The following UPF3B variants were observed in gnomAD, a reference collection of about 807,000 sequenced individuals.
UPF3B encodes regulator of nonsense transcripts 3B.
Under a neutral mutation model 40.3 loss-of-function variants are expected in UPF3B, and 7 were observed. The ratio of observed to expected loss-of-function variants is 0.17; its 90% CI spans 0.10 to 0.33. The LOEUF (loss-of-function observed/expected upper bound fraction) is 0.33, where lower values mean the gene tolerates loss of function less well. Ranked by LOEUF, UPF3B falls within the 10% of genes least tolerant of loss-of-function variation. The pLI is 1.00. For missense variants in UPF3B, 229 were observed against 358.9 expected (o/e 0.64, Z 2.93); for synonymous variants, 117 against 117.3 (o/e 1.00, Z 0.01).
At chrX:119,813,285 T>G (rs2055838896) in intron 5 of UPF3B, among the ~76,000 whole-genome samples, 2 of 110,918 alleles carry the variant, frequency 1.8e-5, no homozygotes, top group Admixed American at 9.7e-5. Flanking sequence ...TGTAGGTGGG[T>G]CCTGGTGGGG....
chrX:119,812,434 C>T (rs960306535), intron 5 of UPF3B, among the ~76,000 whole-genome samples: 13 of 111,444 alleles, frequency 1.2e-4, no homozygotes, highest in African/African-American at 4.2e-4. Context: ...CCATTCTCAA[C>T]CCAATCTGGC....
chrX:119,821,340 A>C (rs916901793), intron 4 of UPF3B, among the ~76,000 whole-genome samples: 1 of 112,712 alleles, frequency 8.9e-6, no homozygotes, highest in African/African-American at 3.2e-5. Context: ...TCAGGCATTT[A>C]TTTATAGCAA....
chrX:119,838,882 C>T (rs1462233308), intron 8 of UPF3B, among the ~76,000 whole-genome samples: 2 of 111,203 alleles, frequency 1.8e-5, no homozygotes, highest in Admixed American at 9.6e-5. Context: ...CTTAAGTGGT[C>T]CTCCTGCCTC....
At chrX:119,811,711 C>T (rs965419091) in intron 5 of UPF3B, among the ~76,000 whole-genome samples, 14 of 109,156 alleles carry the variant, frequency 1.3e-4, no homozygotes, top group Admixed American at 2.0e-4. Context: ...CAGCACTTTG[C>T]GAGGCTAAGG....
At chrX:119,843,577 A>G in intron 4 of UPF3B, among the ~76,000 whole-genome samples, 1 of 111,989 alleles carries the variant, frequency 8.9e-6, no homozygotes, top group African/African-American at 3.2e-5. Context: ...GGGGTATTAC[A>G]TAGTTTGCTT....
chrX:119,814,399 T>C (rs1187693043), intron 5 of UPF3B, among the ~76,000 whole-genome samples: 2 of 112,617 alleles, frequency 1.8e-5, no homozygotes, highest in African/African-American at 6.4e-5. Flanking sequence ...AACTTGAGGA[T>C]ATTGGATACG....
At chrX:119,813,564 CTTT>C (rs572653123) in intron 5 of UPF3B, among the ~76,000 whole-genome samples, 6 of 99,246 alleles carry the variant, frequency 6.0e-5, no homozygotes, top group South Asian at 8.8e-4. Context: ...TTTTTCTTTT[CTTT>C]TTTTTTTTTT....
chrX:119,807,460 G>A, intron 6 of UPF3B: 1 of 886,432 alleles, frequency 1.1e-6, no homozygotes, highest in Non-Finnish European at 1.4e-6. Context: ...CTTTTCTATG[G>A]TTAATATCAC....
intron 3 of UPF3B, among the ~76,000 whole-genome samples, chrX:119,847,381 A>C (rs1450461898): frequency 9.0e-6 from 1 of 110,559 alleles, no homozygotes; most frequent in Non-Finnish European, 1.9e-5. Context: ...CAGGAGGTGG[A>C]GGTTGCAATG....
At chrX:119,821,964 T>C (rs776341631) in intron 4 of UPF3B, among the ~76,000 whole-genome samples, 2 of 111,791 alleles carry the variant, frequency 1.8e-5, no homozygotes, top group Admixed American at 9.6e-5. Flanking sequence ...GCAGTTTCCT[T>C]CCTGGAGAGG....
intron 4 of UPF3B, among the ~76,000 whole-genome samples, chrX:119,844,619 T>C (rs1258078709): frequency 9.0e-6 from 1 of 110,598 alleles, no homozygotes; most frequent in Non-Finnish European, 1.9e-5. Context: ...TCTTTTTTTT[T>C]TGAGATGGAG....
At chrX:119,817,366 A>C (rs2055874409) in intron 4 of UPF3B, among the ~76,000 whole-genome samples, 1 of 112,020 alleles carries the variant, frequency 8.9e-6, no homozygotes, top group Admixed American at 9.6e-5. Flanking sequence ...ACATGGCAGC[A>C]GACTAGAGGT....
At chrX:119,831,671 G>A, downstream of UPF3B, 1 of 753,212 alleles carries the variant, frequency 1.3e-6, no homozygotes, top group African/African-American at 2.3e-5. Flanking sequence ...TTCTACTGGT[G>A]AGTATCTATA....
downstream of UPF3B, chrX:119,831,755 C>T (rs779360356): frequency 8.8e-5 from 65 of 739,977 alleles, no homozygotes; most frequent in Middle Eastern, 7.5e-4. Flanking sequence ...CATCCCTGGA[C>T]GACCCTGAAG....
chrX:119,828,996 C>T (rs1377993692), intron 3 of UPF3B, among the ~76,000 whole-genome samples: 2 of 111,529 alleles, frequency 1.8e-5, no homozygotes, highest in South Asian at 3.8e-4. Context: ...GCTGGGATTA[C>T]AGGCGTGAGC....
chrX:119,834,012 C>T, downstream of UPF3B: 1 of 752,980 alleles, frequency 1.3e-6, no homozygotes, highest in Non-Finnish European at 1.6e-6. Flanking sequence ...AGTTAATAAA[C>T]ACACTTAGCT....
rs1405597494 is a variant in UPF3B at position 119,843,234 on chromosome X, C to T, written c.537G>A (p.Glu179=). Residue 179 remains glutamate (E), a synonymous_variant, in exon 5 of 11, where the codon GAG becomes GAA. Coordinates refer to ENST00000276201, the MANE Select transcript of UPF3B (RefSeq NM_080632.3). ...TTGCTTCTATTTCCTCTAGCAGTGT[C>T]TCTGGAGTAGATGTCATTTTCTCAT... ...TDNEKMTSTP[E]TLLEEIEAKN... The T allele has an allele frequency of 8.3e-7, 1 of 1,209,017 alleles. No individual in the cohort carries two copies. Among genetic ancestry groups the T allele is most frequent in the South Asian group, 1.8e-5 (1 of 56,932 alleles).
chrX:119,851,764 T>TTTTTTTTTTTTTTTAA lies in UPF3B; in HGVS notation c.263+2_263+3insTTAAAAAAAAAAAAAA. The TTTTTTTTTTTTTTTAA allele has an allele frequency of 8.3e-6, 8 of 968,454 alleles. No individual in the cohort carries two copies. Among genetic ancestry groups the TTTTTTTTTTTTTTTAA allele is most frequent in the South Asian group, 2.2e-5 (1 of 44,608 alleles). 79.8% of individuals were successfully genotyped at this position (968,454 alleles called of 1,213,427 possible). The stretch of plus-strand genomic sequence containing the variant: ...ACCCCTTTCCTTTTTTTTTTTTTTT[T>TTTTTTTTTTTTTTTAA]ACCTCGTATCATTAGAAAAAAACTC... On this transcript the variant is annotated splice_region_variant and intron_variant, in intron 2 of 10. Coordinates refer to ENST00000276201, the MANE Select transcript of UPF3B (RefSeq NM_080632.3).
chrX:119,847,451 C>CA (rs1033525592), intron 3 of UPF3B, among the ~76,000 whole-genome samples: 2 of 108,650 alleles, frequency 1.8e-5, no homozygotes, highest in African/African-American at 6.7e-5. Context: ...AATTCCATCT[C>CA]AAAAAAACAA....
Sources: allele counts gnomAD v4.1 joint callset (sites outside exome capture counted in the v4.1 genomes callset), GRCh38; gene constraint gnomAD v4.1.1; transcripts MANE v1.5; gene names NCBI Gene and HGNC (gene_info 2026-07-23, HGNC 2026-07-21).